The following LONP1 variants were observed in gnomAD, a reference collection of about 807,000 sequenced individuals.
LONP1 encodes lon peptidase 1, mitochondrial, also known as lon protease homolog, mitochondrial.
LONP1 carries 31 observed loss-of-function variants against 98.5 expected under a neutral mutation model. That is an observed-to-expected ratio of 0.31 (90% confidence interval 0.24 to 0.42). The LOEUF (loss-of-function observed/expected upper bound fraction) is 0.42. LONP1 is among the 20% of genes least tolerant of loss of function. The pLI is 1.00. For synonymous variants in LONP1, 781 were observed against 594.7 expected (o/e 1.31, Z -4.56); for missense variants, 1,336 against 1,350.6 (o/e 0.99, Z 0.17).
At chr19:5,706,126 T>C in intron 7 of LONP1, 134 bp from the exon 8 acceptor site, 1 of 635,754 alleles carries the variant, frequency 1.6e-6, no homozygotes, top group Non-Finnish European at 2.8e-6. Context: ...GCACGAAGCC[T>C]TTGGTTCCTT....
intron 5 of LONP1, 156 bp from the exon 6 acceptor site, chr19:5,707,982 C>T (rs1263833318): frequency 5.8e-6 from 5 of 860,392 alleles, no homozygotes; most frequent in Admixed American, 2.9e-5. Context: ...TGCTTGTTCT[C>T]CAGAGTTCAG....
At chr19:5,716,469 A>G (rs1231012390) in intron 1 of LONP1, among the ~76,000 whole-genome samples, 2 of 150,594 alleles carry the variant, frequency 1.3e-5, no homozygotes, top group Admixed American at 6.6e-5. Flanking sequence ...GTCCACAACC[A>G]TCCTTTGAGA....
intron 1 of LONP1, among the ~76,000 whole-genome samples, chr19:5,715,410 G>A (rs1225837864): frequency 6.0e-5 from 9 of 150,366 alleles, no homozygotes; most frequent in African/African-American, 1.7e-4. Context: ...TTGGGAGGCC[G>A]AGGCGGGCAG....
intron 13 of LONP1, among the ~76,000 whole-genome samples, chr19:5,695,342 G>A (rs2054907000): frequency 6.6e-6 from 1 of 151,984 alleles, no homozygotes. Flanking sequence ...CATGGGGGAG[G>A]GCATCTGTGA....
At chr19:5,692,305 T>TA in intron 17 of LONP1, 97 bp from the exon 18 acceptor site, 1 of 1,190,936 alleles carries the variant, frequency 8.4e-7, no homozygotes, top group Non-Finnish European at 1.2e-6. Flanking sequence ...GGACCGGCGA[T>TA]ACACAGTGAT....
intron 7 of LONP1, 39 bp from the exon 8 acceptor site, chr19:5,706,031 G>C (rs986958674): frequency 4.4e-6 from 6 of 1,357,360 alleles, no homozygotes; most frequent in Admixed American, 3.5e-5. Context: ...CTGGCTCCGG[G>C]AAGCTGGGTG....
At position 5,716,611 on chromosome 19, in the gene LONP1, T is replaced by TAACATATGACA. The variant is rs1431958561; in HGVS notation, c.430-2341_430-2340insTGTCATATGTT. Among the ~76,000 whole-genome samples, 13 of 150,048 alleles carry TAACATATGACA rather than the reference T, an allele frequency of 8.7e-5. No homozygotes were observed. In the Admixed American group the frequency reaches 8.7e-4, roughly 10 times the overall value. On this transcript the variant is annotated intron_variant, in intron 1 of 17. Coordinates refer to ENST00000360614, the MANE Select transcript of LONP1 (RefSeq NM_004793.4). ...AAGTCAGTAACATCTGACAGGAGGG[T>TAACATATGACA]GTGTGACCCACTGTTATAAGTAAAA...
At position 5,700,933 on chromosome 19, in the gene LONP1, AG is replaced by A; in HGVS notation, c.1368-7del. On this transcript the variant is annotated splice_region_variant and splice_polypyrimidine_tract_variant and intron_variant, in intron 8 of 17. Transcript: ENST00000360614. ...CTAGGTAGTTGCGGGTGACACTGCC[AG>A]GGGACAGATGGAGAGATGCTGAGTG... 3 of 1,614,086 alleles carry A rather than the reference AG, an allele frequency of 1.9e-6. No individual in the cohort carries two copies. The highest frequency in any genetic ancestry group is 2.5e-6 in the Non-Finnish European group (3 of 1,179,974).
At chr19:5,716,462 C>T (rs1345602439) in intron 1 of LONP1, among the ~76,000 whole-genome samples, 1 of 150,824 alleles carries the variant, frequency 6.6e-6, no homozygotes, top group Non-Finnish European at 1.5e-5. Context: ...GCTGCTGGTC[C>T]ACAACCATCC....
At chr19:5,717,964 C>A (rs2055348538) in intron 1 of LONP1, among the ~76,000 whole-genome samples, 1 of 150,680 alleles carries the variant, frequency 6.6e-6, no homozygotes, top group Non-Finnish European at 1.5e-5. Flanking sequence ...CCTGCCTCAG[C>A]CTCCCAAAGT....
chr19:5,718,677 G>C (rs1254016316), intron 1 of LONP1, among the ~76,000 whole-genome samples: 1 of 151,842 alleles, frequency 6.6e-6, no homozygotes, highest in African/African-American at 2.4e-5. Context: ...CCTTCCCATA[G>C]ATGCCACTTT....
chr19:5,707,971 C>T (rs1014846295), intron 5 of LONP1, 145 bp from the exon 6 acceptor site: 3 of 918,176 alleles, frequency 3.3e-6, no homozygotes, highest in Middle Eastern at 3.5e-4. Flanking sequence ...GCCAGCTCTG[C>T]TGCTTGTTCT....
intron 8 of LONP1, among the ~76,000 whole-genome samples, chr19:5,703,219 C>A (rs947681711): frequency 6.6e-6 from 1 of 151,790 alleles, no homozygotes; most frequent in Non-Finnish European, 1.5e-5. Flanking sequence ...ACTGCCCTGT[C>A]CAAAGCACCC....
Position 5,696,654 on chromosome 19 carries a change from G to A in LONP1, c.1773+16C>T. 1 of 1,610,450 alleles carries A rather than the reference G, an allele frequency of 6.2e-7. No individual in the cohort carries two copies. The highest frequency in any genetic ancestry group is 1.1e-5 in the South Asian group (1 of 90,940). On this transcript the variant is annotated intron_variant, in intron 11 of 17. Coordinates refer to ENST00000360614, the MANE Select transcript of LONP1 (RefSeq NM_004793.4). ...CATTGCCGGGTTAGGGGGTCTCCGG[G>A]CCTCTCCGCACGCACCTCGTCGATG...
At chr19:5,692,499 CCA>C in intron 17 of LONP1, among the ~76,000 whole-genome samples, 1 of 152,130 alleles carries the variant, frequency 6.6e-6, no homozygotes. Flanking sequence ...TCTGGATGAG[CCA>C]CACACCCACG....
intron 6 of LONP1, 64 bp downstream of exon 6, chr19:5,707,633 G>A: frequency 1.3e-6 from 2 of 1,561,782 alleles, no homozygotes; most frequent in Non-Finnish European, 1.7e-6. Flanking sequence ...CCGGGCGTGG[G>A]CGGAGCATAG....
intron 14 of LONP1, 48 bp from the exon 15 acceptor site, chr19:5,694,600 G>T: frequency 6.4e-7 from 1 of 1,556,002 alleles, no homozygotes. Context: ...GGGGTGACAG[G>T]TGCGGGGTGG....
chr19:5,700,977 G>A, intron 8 of LONP1, 50 bp from the exon 9 acceptor site: 4 of 1,608,410 alleles, frequency 2.5e-6, no homozygotes, highest in African/African-American at 1.3e-5. Context: ...CGAGCTGCCT[G>A]TCTCTCTGCT....
intron 8 of LONP1, among the ~76,000 whole-genome samples, chr19:5,702,646 A>G (rs201660062): frequency 3.3e-5 from 5 of 152,232 alleles, no homozygotes; most frequent in African/African-American, 9.6e-5. Flanking sequence ...AGTAGACATG[A>G]GAGACTTTTC....
Sources: gnomAD v4.1 joint callset for allele counts (sites outside exome capture counted in the v4.1 genomes callset) on GRCh38, gnomAD v4.1.1 for gene constraint, MANE v1.5 for transcripts, NCBI Gene and HGNC (gene_info 2026-07-23, HGNC 2026-07-21) for gene names.